CDH23: variants seen among roughly 807,000 people sequenced by gnomAD.
The protein encoded by CDH23 is cadherin related 23, also known as cadherin-23.
Under a neutral mutation model 317.1 loss-of-function variants are expected in CDH23, and 189 were observed. The ratio of observed to expected loss-of-function variants is 0.60; its 90% confidence interval spans 0.53 to 0.67. The LOEUF (loss-of-function observed/expected upper bound fraction) is 0.67. CDH23 is among the 30% of genes least tolerant of loss of function. CDH23 has a pLI of 0.00. For synonymous variants in CDH23, 1,839 were observed against 1,876.8 expected (o/e 0.98, Z 0.52); for missense variants, 4,401 against 4,592.4 (o/e 0.96, Z 1.20).
At chr10:71,436,880 G>C (rs184707497) in intron 1 of CDH23, among the ~76,000 whole-genome samples, 1 of 152,196 alleles carries the variant, frequency 6.6e-6, no homozygotes, top group Non-Finnish European at 1.5e-5. Flanking sequence ...TGAGATGTCA[G>C]ATTGTCACTT....
At chr10:71,574,544 C>T (rs1049022113) in intron 8 of CDH23, among the ~76,000 whole-genome samples, 11 of 152,262 alleles carry the variant, frequency 7.2e-5, no homozygotes, top group Middle Eastern at 3.4e-3. Context: ...CCCCCAAGGA[C>T]GCCTCCTACT....
At chr10:71,527,925 T>C (rs1855134280) in intron 6 of CDH23, among the ~76,000 whole-genome samples, 1 of 152,174 alleles carries the variant, frequency 6.6e-6, no homozygotes, top group African/African-American at 2.4e-5. Context: ...CTCACCTCCC[T>C]GGTCCCCATG....
Position 71,732,073 on chromosome 10 carries a change from G to A in CDH23, c.3802G>A (p.Val1268Met), listed in dbSNP as rs201884261. The A allele has an allele frequency of 4.0e-5, 64 of 1,613,868 alleles. No individual in the cohort carries two copies. The highest frequency in any genetic ancestry group is 1.8e-4 in the South Asian group (16 of 91,086). ...CGAGAGCACAGGGCTTATCATCACCGTGAATTACCTGGACTACGAGACCAA... is the reference window on the plus strand; with the variant it reads ...CGAGAGCACAGGGCTTATCATCACCATGAATTACCTGGACTACGAGACCAA... ...IDESTGLIIT[V>M]NYLDYETKTS... Residue 1268 changes from valine to methionine, a missense_variant, in exon 32 of 70, where the codon GTG becomes ATG. Val to Met is a conservative substitution (Grantham distance 21, BLOSUM62 1). Around this residue, in one of 3 missense-constraint regions of CDH23, gnomAD observed 3,068 missense variants for 3,203.3 expected, o/e 0.96. Coordinates refer to ENST00000224721, the MANE Select transcript of CDH23 (RefSeq NM_022124.6).
intron 18 of CDH23, among the ~76,000 whole-genome samples, chr10:71,683,560 A>T (rs1864745595): frequency 6.6e-6 from 1 of 152,208 alleles, no homozygotes; most frequent in African/African-American, 2.4e-5. Context: ...TTGCTTGCTG[A>T]ATAGGATGCA....
chr10:71,687,841 C>T, intron 19 of CDH23, 122 bp downstream of exon 19: 3 of 904,396 alleles, frequency 3.3e-6, no homozygotes, highest in Non-Finnish European at 5.3e-6. Flanking sequence ...CCTTCTCTTT[C>T]CCCGGCCAAG....
Position 71,777,914 on chromosome 10 carries a change from T to G in CDH23, c.5067+13T>G. ...CGACAGACACATGGTCAGCAGCTGA[T>G]GGCAGGATCAAGACAAGGGGCGAAA... is the stretch of plus-strand genomic sequence containing the variant. On this transcript the variant is annotated intron_variant, in intron 39 of 69. Coordinates refer to ENST00000224721, the MANE Select transcript of CDH23 (RefSeq NM_022124.6). 6.2e-7 allele frequency: 1 copy of G among 1,613,652 alleles called. No individual in the cohort carries two copies. Among genetic ancestry groups the G allele is most frequent in the Non-Finnish European group, 8.5e-7 (1 of 1,179,698 alleles).
chr10:71,449,290 G>T (rs1850319182), intron 3 of CDH23, among the ~76,000 whole-genome samples: 1 of 152,152 alleles, frequency 6.6e-6, no homozygotes, highest in African/African-American at 2.4e-5. Context: ...CTCACCAGAG[G>T]TTGGAGTTGT....
At chr10:71,533,811 G>A (rs1488592123) in intron 6 of CDH23, among the ~76,000 whole-genome samples, 6 of 151,990 alleles carry the variant, frequency 3.9e-5, no homozygotes, top group Admixed American at 2.6e-4. Flanking sequence ...AGCAAGACGT[G>A]CAAATAAATA....
In CDH23 at chr10:71,751,982, C is replaced by G; in HGVS notation, c.4845+10061C>G. 3.6e-6 allele frequency: 4 copies of G among 1,102,530 alleles called. No homozygotes were observed. The South Asian group carries it at 4.2e-5, about 11-fold the overall frequency. 68.3% of individuals were successfully genotyped at this position (1,102,530 alleles called of 1,614,324 possible). A position where few individuals can be genotyped will look rare whatever the true frequency, so the allele number is the denominator to read the frequency against. The stretch of plus-strand genomic sequence containing the variant: ...CTACATCCCCATCCCCAAGCCTCAG[C>G]AGCATCTCCAAGCAAGAAGGCAGGA... On this transcript the variant is annotated intron_variant, in intron 38 of 69. Coordinates refer to ENST00000224721, the MANE Select transcript of CDH23 (RefSeq NM_022124.6). This position sits in a 1 kb window ranked among gnomAD's most constrained non-coding sequence, Gnocchi z 4.9.
At chr10:71,597,847 C>T (rs1385730081) in intron 9 of CDH23, among the ~76,000 whole-genome samples, 1 of 152,216 alleles carries the variant, frequency 6.6e-6, no homozygotes, top group Non-Finnish European at 1.5e-5. Context: ...AAACTGTCGC[C>T]CTCAGAGCCT....
intron 9 of CDH23, among the ~76,000 whole-genome samples, chr10:71,586,674 C>T (rs1046802703): frequency 2.0e-5 from 3 of 152,216 alleles, no homozygotes; most frequent in African/African-American, 7.2e-5. Context: ...CCCTGCCTCC[C>T]ATCCTCCAGA....
At chr10:71,547,584 C>G (rs12416192) in intron 6 of CDH23, among the ~76,000 whole-genome samples, 3,970 of 151,760 alleles carry the variant, frequency 0.026, 198 homozygotes, top group Admixed American at 0.13. Flanking sequence ...CATAGCGCCA[C>G]GGGGGAGTCC....
chr10:71,737,842 T>C (rs1564767584), intron 34 of CDH23: 4 of 463,452 alleles, frequency 8.6e-6, no homozygotes, highest in Non-Finnish European at 1.8e-5. Context: ...CACAAAACAA[T>C]ATGCTCTTGC....
intron 27 of CDH23, among the ~76,000 whole-genome samples, chr10:71,711,226 C>G (rs1473080073): frequency 6.6e-6 from 1 of 152,108 alleles, no homozygotes; most frequent in South Asian, 2.1e-4. Context: ...CTTCTGCCAG[C>G]CTTCTAGGGA....
chr10:71,663,778 A>G (rs1863773128), intron 14 of CDH23, among the ~76,000 whole-genome samples: 2 of 152,192 alleles, frequency 1.3e-5, no homozygotes, highest in Admixed American at 6.5e-5. Flanking sequence ...TTTTGCAGTT[A>G]TCGTCAGCCA....
intron 9 of CDH23, among the ~76,000 whole-genome samples, chr10:71,614,074 A>G (rs1025581806): frequency 6.6e-6 from 1 of 152,240 alleles, no homozygotes; most frequent in Non-Finnish European, 1.5e-5. Flanking sequence ...GCCCAAGGTC[A>G]CACAGCCAGT....
At chr10:71,571,682 A>G (rs1316845773) in intron 8 of CDH23, among the ~76,000 whole-genome samples, 2 of 152,208 alleles carry the variant, frequency 1.3e-5, no homozygotes, top group Non-Finnish European at 2.9e-5. Context: ...CTGTGGGTGG[A>G]AAAATTAGAA....
At chr10:71,529,373 G>T (rs78345250) in intron 6 of CDH23, among the ~76,000 whole-genome samples, 19 of 152,120 alleles carry the variant, frequency 1.2e-4, no homozygotes, top group African/African-American at 4.6e-4. Context: ...GGTCATGCAC[G>T]TAGTACCCGG....
chr10:71,702,222 C>T lies in CDH23; in HGVS notation c.2587+11C>T, dbSNP rs369368113. On this transcript the variant is annotated intron_variant, in intron 23 of 69. Coordinates refer to ENST00000224721, the MANE Select transcript of CDH23 (RefSeq NM_022124.6). ...TCTCTGTTACTGACTGTATGGACCC[C>T]TCTCGCCCCTCACGGCCCCCACACC... 5.1e-5 allele frequency: 82 copies of T among 1,610,982 alleles called. No homozygotes were observed. In the African/African-American group the frequency reaches 7.3e-4, roughly 14 times the overall value.
Sources: allele counts gnomAD v4.1 joint callset (sites outside exome capture counted in the v4.1 genomes callset), GRCh38; gene constraint gnomAD v4.1.1; regional missense constraint gnomAD v4.1.1; non-coding constraint Gnocchi (gnomAD v3.1); transcripts MANE v1.5; gene names NCBI Gene and HGNC (gene_info 2026-07-23, HGNC 2026-07-21).